POPDC3: variants seen among roughly 807,000 people sequenced by gnomAD.
The protein encoded by POPDC3 is popeye domain-containing protein 3.
In POPDC3, 20 loss-of-function variants were observed where a neutral mutation model predicts 28.2. The ratio of observed to expected loss-of-function variants is 0.71; its 90% CI spans 0.50 to 1.03. The LOEUF is 1.03. POPDC3 is among the 50% of genes least tolerant of loss of function. The pLI is 0.00. For synonymous variants in POPDC3, 118 were observed against 124.1 expected (o/e 0.95, Z 0.33); for missense variants, 316 against 345.9 (o/e 0.91, Z 0.69).
chr6:105,159,823 T>G lies in POPDC3; in HGVS notation c.486-4A>C. ...GCCATCAACTGTCACTCTGATCCTA[T>G]CAAAACACAAGAACAACATTTATAA... On this transcript the variant is annotated splice_region_variant and splice_polypyrimidine_tract_variant and intron_variant, in intron 2 of 3. Coordinates refer to ENST00000254765, the MANE Select transcript of POPDC3 (RefSeq NM_022361.5). 1 of 1,583,224 alleles carries G rather than the reference T, an allele frequency of 6.3e-7. No homozygotes were observed. Among genetic ancestry groups the G allele is most frequent in the Non-Finnish European group, 8.6e-7 (1 of 1,158,730 alleles).
chr6:105,164,625 A>G (rs1774421329), intron 1 of POPDC3, among the ~76,000 whole-genome samples: 1 of 152,228 alleles, frequency 6.6e-6, no homozygotes, highest in African/African-American at 2.4e-5. Flanking sequence ...TGCCAGCAGC[A>G]CTATATGAAT....
At position 105,170,001 on chromosome 6, in the gene POPDC3, C is replaced by A. The variant is rs539684667; in HGVS notation, c.-251-7841G>T. 9.2e-5 allele frequency: 14 copies of A among 152,264 alleles called. No homozygotes were observed. The East Asian group carries it at 2.3e-3, about 25-fold the overall frequency. The allele number at this position is 152,264 out of a possible 1,614,324, so 9.4% of individuals were successfully genotyped here. ...TTAGATTAAATAATTTAAATGTCTT[C>A]TTAAGAAGCTACAGTTTTTTGAGGC... On this transcript the variant is annotated intron_variant, in intron 1 of 3. Coordinates refer to ENST00000254765, the MANE Select transcript of POPDC3 (RefSeq NM_022361.5).
At chr6:105,167,287 G>GTC (rs3035329) in intron 1 of POPDC3, among the ~76,000 whole-genome samples, 30,787 of 151,972 alleles carry the variant, frequency 0.2, 5,133 homozygotes, top group African/African-American at 0.46. Context: ...GATGCTCTGA[G>GTC]TAGCAGAATT....
At chr6:105,179,047 T>TTTC in intron 1 of POPDC3, 1 of 985,452 alleles carries the variant, frequency 1.0e-6, no homozygotes, top group Non-Finnish European at 1.2e-6. Flanking sequence ...AAACAGAATT[T>TTTC]TTCACTTTCT....
At chr6:105,164,262 C>T (rs1054013154) in intron 1 of POPDC3, among the ~76,000 whole-genome samples, 1 of 152,172 alleles carries the variant, frequency 6.6e-6, no homozygotes, top group Admixed American at 6.5e-5. Context: ...CCATGTAAAA[C>T]GTTCGTGGCA....
intron 1 of POPDC3, among the ~76,000 whole-genome samples, chr6:105,164,411 G>T (rs1395831630): frequency 6.6e-6 from 1 of 152,110 alleles, no homozygotes; most frequent in Admixed American, 6.6e-5. Context: ...AATCTACTTC[G>T]TTTCATTCAG....
intron 1 of POPDC3, among the ~76,000 whole-genome samples, chr6:105,164,691 C>G (rs952806173): frequency 1.3e-5 from 2 of 152,158 alleles, no homozygotes; most frequent in African/African-American, 4.8e-5. Flanking sequence ...AGCCTGAGGT[C>G]ATGTTTTGCG....
rs1774550592 is a variant in POPDC3 at position 105,170,329 on chromosome 6, CT to C, written c.-251-8170del. 3.3e-5 allele frequency among the ~76,000 whole-genome samples: 5 copies of C among 152,264 alleles called. No homozygotes were observed. The South Asian group carries it at 1.0e-3, about 32-fold the overall frequency. On this transcript the variant is annotated intron_variant, in intron 1 of 3. Transcript: ENST00000254765. ...AACTAGATACATTAAGCAGTCGTTT[CT>C]TTATATGAATCAATGGGACACCTTT...
At chr6:105,178,294 A>G (rs1227458892) in intron 1 of POPDC3, among the ~76,000 whole-genome samples, 1 of 152,240 alleles carries the variant, frequency 6.6e-6, no homozygotes, top group African/African-American at 2.4e-5. Flanking sequence ...GTTTCAAAAT[A>G]AGCAGGCATC....
rs749778095 is a variant in POPDC3 at position 105,161,741 on chromosome 6, G to C, written c.169C>G (p.Leu57Val). 6.2e-6 allele frequency: 10 copies of C among 1,614,112 alleles called. No homozygotes were observed. In the South Asian group the frequency reaches 9.9e-5, roughly 16 times the overall value. Reference protein sequence around the residue: ...FFGLLYVFSLLGLGFLCSAVW... With the variant: ...FFGLLYVFSLVGLGFLCSAVW... ...GCAGAACAGAGAAAACCCAACCCCAGCAAACTGAAGACATAAAGGAGCCCG... is the reference window on the plus strand; with the variant it reads ...GCAGAACAGAGAAAACCCAACCCCACCAAACTGAAGACATAAAGGAGCCCG... Residue 57 changes from leucine (L) to valine (V), a missense_variant, in exon 2 of 4, where the codon CTG becomes GTG. Leu to Val is a conservative substitution (Grantham distance 32). Coordinates refer to ENST00000254765, the MANE Select transcript of POPDC3 (RefSeq NM_022361.5).
In POPDC3 at chr6:105,158,582, C is replaced by A. The variant is rs202208117; in HGVS notation, c.764G>T (p.Arg255Ile). The A allele has an allele frequency of 2.0e-5, 33 of 1,613,940 alleles. No homozygotes were observed. Among genetic ancestry groups the A allele is most frequent in the Non-Finnish European group, 2.8e-5 (33 of 1,179,972 alleles). The stretch of plus-strand genomic sequence containing the variant: ...GGGTAGCCGAATATCATAGTGATAT[C>A]TTTTTCCTATATATACCCTGTCATT... ...ALNDRVYIGK[R>I]YHYDIRLPNF... The change falls in exon 4 of 4, where the codon AGA (arginine) becomes ATA (isoleucine). Residue 255 changes from arginine to isoleucine, a missense_variant. Coordinates refer to ENST00000254765, the MANE Select transcript of POPDC3 (RefSeq NM_022361.5).
At chr6:105,172,238 C>T (rs1774591615) in intron 1 of POPDC3, among the ~76,000 whole-genome samples, 1 of 151,282 alleles carries the variant, frequency 6.6e-6, no homozygotes. Context: ...TGAACAGACA[C>T]TTCTCAAAAG....
chr6:105,163,269 T>G lies in POPDC3; in HGVS notation c.-251-1109A>C, dbSNP rs114547892. On this transcript the variant is annotated intron_variant, in intron 1 of 3. Coordinates refer to ENST00000254765, the MANE Select transcript of POPDC3 (RefSeq NM_022361.5). ...ATATTCCTGTTACTTACATATTTAT[T>G]TATCAGATGGTCAAAAATATTACCA... 2.7e-3 allele frequency among the ~76,000 whole-genome samples: 412 copies of G among 152,290 alleles called. 5 individuals are homozygous for G. The highest frequency in any genetic ancestry group is 9.4e-3 in the African/African-American group (390 of 41,556).
chr6:105,161,544 A>C lies in POPDC3; in HGVS notation c.366T>G (p.Ser122=). 6.2e-7 allele frequency: 1 copy of C among 1,614,226 alleles called. No homozygotes were observed. Among genetic ancestry groups the C allele is most frequent in the Non-Finnish European group, 8.5e-7 (1 of 1,180,038 alleles). The part of the protein sequence containing the change: ...YSSLFQPLGI[S]LPVFRTIALS... ...AAGCAATCGTTCTGAAGACAGGCAA[A>C]GAGATCCCCAGGGGCTGGAAAAGGG... The change falls in exon 2 of 4, where the codon TCT becomes TCG. Residue 122 remains serine (S), a synonymous_variant. Transcript: ENST00000254765.
intron 2 of POPDC3, 167 bp from the exon 3 acceptor site, chr6:105,159,986 G>A (rs933376717): frequency 1.9e-6 from 1 of 513,206 alleles, no homozygotes; most frequent in Non-Finnish European, 3.5e-6. Context: ...GTGACATAAT[G>A]TCCTGTAAGA....
At chr6:105,179,014 C>T (rs556414021) in intron 1 of POPDC3, 1 of 985,388 alleles carries the variant, frequency 1.0e-6, no homozygotes, top group South Asian at 4.7e-5. Flanking sequence ...GCTTCTAATT[C>T]TACTTTTCCA....
At chr6:105,162,310 AATTTCT>A (rs1334419968) in intron 1 of POPDC3, 150 bp from the exon 2 acceptor site, 3 of 231,594 alleles carry the variant, frequency 1.3e-5, no homozygotes, top group African/African-American at 7.0e-5. Flanking sequence ...TTGGGTGTTA[AATTTCT>A]ATGGTATAAA....
intron 2 of POPDC3, among the ~76,000 whole-genome samples, chr6:105,160,983 C>A (rs551400196): frequency 6.6e-5 from 10 of 152,122 alleles, no homozygotes; most frequent in African/African-American, 2.2e-4. Flanking sequence ...TTCTCATGGG[C>A]AATTGCTAGA....
In POPDC3 at chr6:105,158,526, GTA is replaced by G; in HGVS notation, c.818_819del (p.Ile273ThrfsTer17). On this transcript the variant is annotated frameshift_variant, in exon 4 of 4. Transcript: ENST00000254765. LOFTEE classifies it high-confidence loss of function. The stretch of plus-strand genomic sequence containing the variant: ...AAATGTTGTGTCAGGGGTGATCTGC[GTA>G]TTTCTGGAGTTGACATTTGATAGAA... ...PNFYQMSTPEIRRSPLTQHFQ... is the reference protein window; with the variant it reads ...PNFYQMSTPEXRRSPLTQHFQ... The G allele has an allele frequency of 6.2e-7, 1 of 1,613,950 alleles. No individual in the cohort carries two copies.
Sources: gnomAD v4.1 joint callset for allele counts (sites outside exome capture counted in the v4.1 genomes callset) on GRCh38, gnomAD v4.1.1 for gene constraint, MANE v1.5 for transcripts, NCBI Gene and HGNC (gene_info 2026-07-23, HGNC 2026-07-21) for gene names.